Variants in GALNT9 observed in about 807,000 individuals in gnomAD.
The protein encoded by GALNT9 is GalNAc transferase 9.
In GALNT9, 47 loss-of-function variants were observed where a neutral mutation model predicts 63.1. The observed-to-expected ratio is 0.75, with a 90% CI of 0.59 to 0.95. The LOEUF is 0.95. GALNT9 is among the 40% of genes least tolerant of loss of function. GALNT9 has a pLI of 0.00. For missense variants in GALNT9, 829 were observed against 874.8 expected, an observed-to-expected ratio of 0.95 and a Z score of 0.66; for synonymous variants, 396 against 365.7, an observed-to-expected ratio of 1.08 and a Z score of -0.94.
intron 1 of GALNT9, among the ~76,000 whole-genome samples, chr12:132,289,656 G>T (rs765146910): frequency 6.6e-6 from 1 of 152,216 alleles, no homozygotes; most frequent in African/African-American, 2.4e-5. Flanking sequence ...GCTTCCTTGC[G>T]GAGGAAGTGA....
At chr12:132,295,174 G>C (rs1188547942) in intron 1 of GALNT9, among the ~76,000 whole-genome samples, 1 of 152,308 alleles carries the variant, frequency 6.6e-6, no homozygotes, top group South Asian at 2.1e-4. Flanking sequence ...GGAAGCCAGC[G>C]GGGCCTTCAG....
intron 6 of GALNT9, among the ~76,000 whole-genome samples, chr12:132,227,724 T>C (rs1213862581): frequency 6.6e-6 from 1 of 152,102 alleles, no homozygotes; most frequent in African/African-American, 2.4e-5. Flanking sequence ...TGTAGTCGTA[T>C]TGTCATCCTT....
intron 1 of GALNT9, among the ~76,000 whole-genome samples, chr12:132,314,502 G>A (rs1357001693): frequency 4.6e-5 from 7 of 152,186 alleles, no homozygotes; most frequent in Non-Finnish European, 7.3e-5. Context: ...TCAGAGAGGA[G>A]TAGTGACTTG....
chr12:132,203,115 G>A (rs992590623), intron 7 of GALNT9, among the ~76,000 whole-genome samples: 3 of 152,316 alleles, frequency 2.0e-5, no homozygotes, highest in Admixed American at 6.5e-5. Flanking sequence ...GAGGCTGCCC[G>A]GGGCTGGGGA....
intron 6 of GALNT9, among the ~76,000 whole-genome samples, chr12:132,243,349 G>T (rs1277168913): frequency 1.4e-5 from 2 of 143,880 alleles, no homozygotes; most frequent in South Asian, 2.3e-4. Flanking sequence ...GGGCCATCAG[G>T]GCCCCCAGTG....
At chr12:132,302,348 A>G (rs1412934197) in intron 1 of GALNT9, among the ~76,000 whole-genome samples, 1 of 151,940 alleles carries the variant, frequency 6.6e-6, no homozygotes, top group East Asian at 1.9e-4. Context: ...AGATCACGTA[A>G]TGCCTCAGCG....
chr12:132,248,128 C>A, intron 5 of GALNT9, 101 bp from the exon 6 acceptor site: 1 of 1,445,434 alleles, frequency 6.9e-7, no homozygotes, highest in South Asian at 1.4e-5. Flanking sequence ...CACCACCCCT[C>A]CCTCCTGTGC....
Position 132,204,372 on chromosome 12 carries a change from G to C in GALNT9, c.1078-682C>G, listed in dbSNP as rs564200867. On this transcript the variant is annotated intron_variant, in intron 6 of 10. Transcript: ENST00000328957. ...GGTTGGTTTTGTGTCAGCGTGGCAGGGAACAGGGTGCTGGGACGTTTGCTC... is the reference window on the plus strand; with the variant it reads ...GGTTGGTTTTGTGTCAGCGTGGCAGCGAACAGGGTGCTGGGACGTTTGCTC... 2.0e-5 allele frequency among the ~76,000 whole-genome samples: 3 copies of C among 152,262 alleles called. No homozygotes were observed. The South Asian group carries it at 6.2e-4, about 32-fold the overall frequency.
intron 1 of GALNT9, among the ~76,000 whole-genome samples, chr12:132,318,971 C>T (rs1266940970): frequency 3.3e-5 from 5 of 152,254 alleles, no homozygotes; most frequent in African/African-American, 1.2e-4. Context: ...TTTCAGGGCC[C>T]TGCTCATGCA....
intron 6 of GALNT9, among the ~76,000 whole-genome samples, chr12:132,244,183 G>C (rs1419758691): frequency 1.4e-5 from 2 of 142,646 alleles, no homozygotes; most frequent in East Asian, 2.1e-4. Context: ...AAGAGCACAA[G>C]GTGGGAGGAG....
At chr12:132,297,472 C>G (rs1351386030) in intron 1 of GALNT9, among the ~76,000 whole-genome samples, 1 of 149,750 alleles carries the variant, frequency 6.7e-6, no homozygotes, top group South Asian at 2.1e-4. Context: ...TCTGAGATGA[C>G]CAAGTCACTC....
In GALNT9 at chr12:132,265,763, T is replaced by G. The variant is rs1879570877; in HGVS notation, c.420-3138A>C. ...AGCCCACCAAGCTCTTAGCCACACA[T>G]TCCTGCCTCGGAGGGGCCAGGGGCT... On this transcript the variant is annotated intron_variant, in intron 2 of 10. Coordinates refer to ENST00000328957, the MANE Select transcript of GALNT9 (RefSeq NM_001122636.2). This position sits in a 1 kb window ranked among gnomAD's most constrained non-coding sequence, Gnocchi z 5.3. Among the ~76,000 whole-genome samples the G allele has an allele frequency of 1.3e-5, 2 of 152,206 alleles. No individual in the cohort carries two copies. Among genetic ancestry groups the G allele is most frequent in the African/African-American group, 4.8e-5 (2 of 41,462 alleles).
rs1555245946 is a variant in GALNT9 at position 132,319,381 on chromosome 12, A to G, written c.238+9585T>C. 6.6e-6 allele frequency among the ~76,000 whole-genome samples: 1 copy of G among 152,070 alleles called. No individual in the cohort carries two copies. Among genetic ancestry groups the G allele is most frequent in the East Asian group, 1.9e-4 (1 of 5,182 alleles). On this transcript the variant is annotated intron_variant, in intron 1 of 10. Transcript: ENST00000328957. This position sits in a 1 kb window ranked among gnomAD's most constrained non-coding sequence, Gnocchi z 5.2. ...CCTCCCTCTGCTCCTGCCTGTGGAC[A>G]TCGGGTGGAGCTGCCAGGTCTCGGG...
At chr12:132,214,547 C>G (rs1172252552) in intron 6 of GALNT9, among the ~76,000 whole-genome samples, 1 of 152,228 alleles carries the variant, frequency 6.6e-6, no homozygotes, top group Non-Finnish European at 1.5e-5. Flanking sequence ...CTACCATCCT[C>G]CCACCCAACC....
intron 6 of GALNT9, among the ~76,000 whole-genome samples, chr12:132,235,375 G>C (rs1837754444): frequency 6.6e-6 from 1 of 152,170 alleles, no homozygotes; most frequent in Non-Finnish European, 1.5e-5. Context: ...GTGTGGGGTA[G>C]AGCCAAGATT....
intron 10 of GALNT9, 33 bp downstream of exon 10, chr12:132,197,759 C>G: frequency 2.1e-6 from 3 of 1,403,276 alleles, no homozygotes; most frequent in Non-Finnish European, 2.9e-6. Context: ...TGCCCCGCCC[C>G]AACCCCACGG....
At position 132,286,275 on chromosome 12, in the gene GALNT9, T is replaced by C; in HGVS notation, c.394A>G (p.Ser132Gly). ...TTTCTGGGCCGGTAGTCGGGGATGC[T>C]CCGATCGAGGGAGATGCGGTCGCTG... ...QLSDRISLDRSIPDYRPRKCR... is the reference protein window; with the variant it reads ...QLSDRISLDRGIPDYRPRKCR... The change falls in exon 2 of 11, where the codon AGC (serine) becomes GGC (glycine). Residue 132 changes from serine to glycine, a missense_variant. Transcript: ENST00000328957. This position sits in a 1 kb window ranked among gnomAD's most constrained non-coding sequence, Gnocchi z 7.4. 2 of 1,551,054 alleles carry C rather than the reference T, an allele frequency of 1.3e-6. No individual in the cohort carries two copies. Among genetic ancestry groups the C allele is most frequent in the Non-Finnish European group, 1.7e-6 (2 of 1,146,772 alleles).
At chr12:132,256,324 G>A (rs1422410199) in intron 5 of GALNT9, among the ~76,000 whole-genome samples, 2 of 151,758 alleles carry the variant, frequency 1.3e-5, no homozygotes, top group African/African-American at 2.4e-5. Context: ...CCGAGGCTCA[G>A]CATGAGCCTC....
At chr12:132,213,411 G>A (rs536745788) in intron 6 of GALNT9, among the ~76,000 whole-genome samples, 5 of 152,154 alleles carry the variant, frequency 3.3e-5, no homozygotes, top group East Asian at 1.9e-4. Flanking sequence ...AGATGCACAC[G>A]TGTGCAACAT....
Sources: gnomAD v4.1 joint callset for allele counts (sites outside exome capture counted in the v4.1 genomes callset) on GRCh38, gnomAD v4.1.1 for gene constraint, Gnocchi (gnomAD v3.1) non-coding constraint, MANE v1.5 for transcripts, NCBI Gene and HGNC (gene_info 2026-07-23, HGNC 2026-07-21) for gene names.